Variants in CCDC30 observed in about 807,000 individuals in gnomAD.
CCDC30 encodes the protein coiled-coil domain containing 30.
Under a neutral mutation model 100.2 loss-of-function variants are expected in CCDC30, and 70 were observed. That is an observed-to-expected ratio of 0.70 (90% confidence interval 0.58 to 0.85). The LOEUF is 0.85. CCDC30 is among the 40% of genes least tolerant of loss of function. The probability of loss-of-function intolerance (pLI) is 0.00; values close to 1 mark genes in which losing one functional copy is unlikely to be tolerated. For synonymous variants in CCDC30, 233 were observed against 269.5 expected (o/e 0.86, Z 1.33); for missense variants, 652 against 771.2 (o/e 0.85, Z 1.83).
At chr1:42,600,813 C>CTG (rs1279189247) in intron 10 of CCDC30, among the ~76,000 whole-genome samples, 1 of 148,658 alleles carries the variant, frequency 6.7e-6, no homozygotes, top group Non-Finnish European at 1.5e-5. Context: ...CCTGTGCTCT[C>CTG]TCTCTCTCTC....
At chr1:42,613,630 G>A (rs1570249900) in intron 11 of CCDC30, among the ~76,000 whole-genome samples, 1 of 152,140 alleles carries the variant, frequency 6.6e-6, no homozygotes, top group Non-Finnish European at 1.5e-5. Context: ...TCTATATAGG[G>A]TAATTTCCAG....
At chr1:42,460,031 G>A (rs2148422164), upstream of CCDC30, 1 of 1,447,192 alleles carries the variant, frequency 6.9e-7, no homozygotes, top group South Asian at 1.5e-5. Flanking sequence ...ATGAAAGAAA[G>A]GGAAAAGGCA....
At chr1:42,603,741 C>T (rs1353127889) in intron 10 of CCDC30, among the ~76,000 whole-genome samples, 1 of 152,196 alleles carries the variant, frequency 6.6e-6, no homozygotes, top group Non-Finnish European at 1.5e-5. Flanking sequence ...ACTAAATGTA[C>T]TCTTACCATA....
At chr1:42,520,718 G>A (rs12044638) in intron 6 of CCDC30, among the ~76,000 whole-genome samples, 34,380 of 137,342 alleles carry the variant, frequency 0.25, 4,464 homozygotes, top group South Asian at 0.43. Context: ...GTGGCTTACT[G>A]CAGGCTCTGC....
At chr1:42,498,686 T>A (rs1285407485) in intron 5 of CCDC30, 132 bp from the exon 6 acceptor site, 2 of 416,210 alleles carry the variant, frequency 4.8e-6, no homozygotes, top group Non-Finnish European at 8.2e-6. Flanking sequence ...CATTTTTTAT[T>A]CTGTATACCT....
intron 12 of CCDC30, among the ~76,000 whole-genome samples, chr1:42,642,020 T>A (rs1340582649): frequency 6.6e-6 from 1 of 152,014 alleles, no homozygotes; most frequent in African/African-American, 2.4e-5. Context: ...GGTCAGGAGA[T>A]CGAGACCATC....
chr1:42,463,896 G>T lies in CCDC30; in HGVS notation c.-94G>T, dbSNP rs1643484821. The T allele has an allele frequency of 6.6e-6, 1 of 152,186 alleles. No homozygotes were observed. The highest frequency in any genetic ancestry group is 1.5e-5 in the Non-Finnish European group (1 of 68,040). 9.4% of individuals were successfully genotyped at this position (152,186 alleles called of 1,614,324 possible). A position where few individuals can be genotyped will look rare whatever the true frequency, so the allele number is the denominator to read the frequency against. ...TTGTATCCTCAACATCAGAGGTCATGAAGTCAGTTACCTTCTGCCTTTCAA... is the reference window on the plus strand; with the variant it reads ...TTGTATCCTCAACATCAGAGGTCATTAAGTCAGTTACCTTCTGCCTTTCAA... On this transcript the variant is annotated splice_region_variant and 5_prime_UTR_variant, in exon 1 of 17. An upstream start codon of the reference 5' UTR is lost. Transcript: ENST00000668663.
At chr1:42,551,742 G>GTGT (rs374890123) in intron 6 of CCDC30, among the ~76,000 whole-genome samples, 4 of 144,496 alleles carry the variant, frequency 2.8e-5, no homozygotes, top group African/African-American at 5.1e-5. Flanking sequence ...GATAAATTCT[G>GTGT]GTGTGTGTGT....
At chr1:42,563,553 T>C (rs978316032) in intron 6 of CCDC30, among the ~76,000 whole-genome samples, 5 of 152,184 alleles carry the variant, frequency 3.3e-5, no homozygotes, top group Admixed American at 6.5e-5. Flanking sequence ...CTGCACATTC[T>C]GACTATGTAT....
intron 10 of CCDC30, among the ~76,000 whole-genome samples, chr1:42,608,032 T>C (rs1430777584): frequency 6.6e-6 from 1 of 151,806 alleles, no homozygotes; most frequent in Non-Finnish European, 1.5e-5. Context: ...CCAGGGATCA[T>C]ACGGCCCTTT....
intron 6 of CCDC30, among the ~76,000 whole-genome samples, chr1:42,532,013 C>T (rs1055303431): frequency 1.3e-5 from 2 of 151,766 alleles, no homozygotes; most frequent in Non-Finnish European, 2.9e-5. Flanking sequence ...ATGTTTTGGC[C>T]GGGTGCAGTG....
At chr1:42,547,688 TCTC>T (rs1645171856) in intron 6 of CCDC30, among the ~76,000 whole-genome samples, 1 of 152,152 alleles carries the variant, frequency 6.6e-6, no homozygotes, top group Non-Finnish European at 1.5e-5. Context: ...TCTGCCTCCT[TCTC>T]CTTTTTTTCT....
At chr1:42,507,013 G>C (rs2148486583) in intron 6 of CCDC30, among the ~76,000 whole-genome samples, 1 of 152,182 alleles carries the variant, frequency 6.6e-6, no homozygotes, top group African/African-American at 2.4e-5. Context: ...TGCAACCTCT[G>C]CCTCTCAGAT....
intron 6 of CCDC30, among the ~76,000 whole-genome samples, chr1:42,547,291 A>G (rs1028999075): frequency 6.6e-6 from 1 of 152,214 alleles, no homozygotes; most frequent in African/African-American, 2.4e-5. Flanking sequence ...ATTTTTGAGG[A>G]AGATTGTTCT....
At chr1:42,592,693 A>T (rs1247205353) in intron 10 of CCDC30, 3 of 152,254 alleles carry the variant, frequency 2.0e-5, no homozygotes, top group Non-Finnish European at 2.9e-5. Context: ...CAGCCTGGAC[A>T]ACAAAGCCAG....
the CCDC30 span, chr1:42,456,529 C>G: frequency 1.4e-6 from 2 of 1,440,316 alleles, no homozygotes; most frequent in Admixed American, 3.1e-5. Flanking sequence ...GCGCGGCGGC[C>G]GCGAAACGTG....
At chr1:42,650,243 G>C (rs1409090626) in intron 15 of CCDC30, among the ~76,000 whole-genome samples, 22 of 152,084 alleles carry the variant, frequency 1.4e-4, no homozygotes. Context: ...AGCACTGTGG[G>C]AGGCTGAGGG....
At chr1:42,591,903 C>T (rs1646194166) in intron 10 of CCDC30, 1 of 152,272 alleles carries the variant, frequency 6.6e-6, no homozygotes. Flanking sequence ...GGATGTGGGA[C>T]ATGGAGTCAA....
chr1:42,491,067 C>T (rs1644132625), intron 4 of CCDC30, among the ~76,000 whole-genome samples: 1 of 151,970 alleles, frequency 6.6e-6, no homozygotes, highest in South Asian at 2.1e-4. Flanking sequence ...ATACGTTTAC[C>T]AATTTTTAAA....
Sources: gnomAD v4.1 joint callset for allele counts (sites outside exome capture counted in the v4.1 genomes callset) on GRCh38, gnomAD v4.1.1 for gene constraint, MANE v1.5 for transcripts, NCBI Gene and HGNC (gene_info 2026-07-23, HGNC 2026-07-21) for gene names.